Variants in TH observed in about 807,000 individuals in gnomAD.
The protein encoded by TH is tyrosine hydroxylase, also known as tyrosine 3-monooxygenase.
Under a neutral mutation model 57.4 loss-of-function variants are expected in TH, and 49 were observed. The observed-to-expected ratio is 0.85, with a 90% CI of 0.68 to 1.08. The LOEUF is 1.08. TH is among the 50% of genes least tolerant of loss of function. The probability of loss-of-function intolerance (pLI) is 0.00; values close to 1 mark genes in which losing one functional copy is unlikely to be tolerated. For synonymous variants in TH, 330 were observed against 304.5 expected, an observed-to-expected ratio of 1.08 and a Z score of -0.87; for missense variants, 720 against 696.7, an observed-to-expected ratio of 1.03 and a Z score of -0.38.
At position 2,171,751 on chromosome 11, in the gene TH, C is replaced by A. The variant is rs1310556489; in HGVS notation, c.36G>T (p.Lys12Asn). The change falls in exon 1 of 13, where the codon AAG (lysine) becomes AAT (asparagine). Residue 12 changes from lysine (K) to asparagine (N), a missense_variant. By Grantham distance (94) the Lys-to-Asn change is moderately conservative. Coordinates refer to ENST00000352909, the MANE Select transcript of TH (RefSeq NM_000360.4). The surrounding 1 kb of genome is among the most constrained non-coding windows in gnomAD (Gnocchi z 8.6). ...PTPDATTPQAKGFRRAVSELD... is the reference protein window; with the variant it reads ...PTPDATTPQANGFRRAVSELD... ...GCTCAGACACGGCCCTGCGGAAGCC[C>A]TTGGCCTGTGGCGTGGTGGCGTCGG... is the stretch of plus-strand genomic sequence containing the variant. 2.5e-6 allele frequency: 4 copies of A among 1,612,920 alleles called. No homozygotes were observed. The highest frequency in any genetic ancestry group is 3.4e-6 in the Non-Finnish European group (4 of 1,179,842).
chr11:2,166,114 G>T (rs188912799), intron 9 of TH, 56 bp from the exon 10 acceptor site: 6 of 1,536,444 alleles, frequency 3.9e-6, no homozygotes, highest in Non-Finnish European at 5.3e-6. Flanking sequence ...CATGCTCGAG[G>T]TGGGGGCACC....
intron 6 of TH, 160 bp from the exon 7 acceptor site, chr11:2,167,192 C>T: frequency 8.4e-7 from 1 of 1,189,622 alleles, no homozygotes; most frequent in East Asian, 2.6e-5. Context: ...TTGCTGGTGG[C>T]TTTAGGGAAT....
rs1846020523 is a variant in TH, at chr11:2,164,313, G to A, written c.1414C>T (p.Pro472Ser). Reference sequence around the variant, plus strand: ...TCCAGGGAGCGCCGCACGGCCTGGGGGCTGTCCAGCACGTCGATGGCCAGC... The same window carrying A: ...TCCAGGGAGCGCCGCACGGCCTGGGAGCTGTCCAGCACGTCGATGGCCAGC... The part of the protein sequence containing the change: ...YTLAIDVLDS[P>S]QAVRRSLEGV... The change falls in exon 13 of 13, where the codon CCC becomes TCC. Residue 472 changes from proline (P) to serine (S), a missense_variant. Coordinates refer to ENST00000352909, the MANE Select transcript of TH (RefSeq NM_000360.4). The A allele has an allele frequency of 6.5e-7, 1 of 1,536,986 alleles. No individual in the cohort carries two copies.
rs796758678 is a variant in TH, at chr11:2,165,696, C to T, written c.1172G>A (p.Gly391Glu). ...GAGCTCCCCGTAGGAGGACAGCAGC[C>T]CGGCACCATAGGCCTTCACCTCCCC... ...QNGEVKAYGA[G>E]LLSSYGELLH... Residue 391 changes from glycine to glutamate, a missense_variant, in exon 11 of 13, where the codon GGG (glycine) becomes GAG (glutamate). Physicochemically the swap from Gly to Glu is moderately conservative, Grantham distance 98. Transcript: ENST00000352909. The T allele has an allele frequency of 6.2e-7, 1 of 1,612,802 alleles. No individual in the cohort carries two copies. The highest frequency in any genetic ancestry group is 8.5e-7 in the Non-Finnish European group (1 of 1,179,974).
intron 12 of TH, among the ~76,000 whole-genome samples, 175 bp downstream of exon 12, chr11:2,165,057 T>C (rs536370680): frequency 1.8e-3 from 279 of 152,278 alleles, no homozygotes; most frequent in African/African-American, 6.5e-3. Flanking sequence ...CCCCAGACGC[T>C]GGGGTCCTTC....
In TH at chr11:2,169,728, C is replaced by T; in HGVS notation, c.234G>A (p.Gly78=). The T allele has an allele frequency of 6.2e-7, 1 of 1,613,016 alleles. No individual in the cohort carries two copies. Among genetic ancestry groups the T allele is most frequent in the East Asian group, 2.2e-5 (1 of 44,862 alleles). The change falls in exon 2 of 13, where the codon GGG becomes GGA. Residue 78 remains glycine, a synonymous_variant. Coordinates refer to ENST00000352909, the MANE Select transcript of TH (RefSeq NM_000360.4). The part of the protein sequence containing the change: ...LEAVAFEEKE[G]KAVLNLLFSP... ...AGAAGAGCAGGTTTAGCACGGCCTT[C>T]CCCTCCTTCTCCTCAAAGGCCACAG... is the stretch of plus-strand genomic sequence containing the variant.
chr11:2,165,483 C>G (rs1846063510), intron 11 of TH, 118 bp from the exon 12 acceptor site: 4 of 1,514,656 alleles, frequency 2.6e-6, no homozygotes, highest in Non-Finnish European at 3.6e-6. Context: ...ATCTCCCCCG[C>G]CGGGCCTTCG....
At position 2,170,899 on chromosome 11, in the gene TH, T is replaced by C; in HGVS notation, c.90+798A>G. On this transcript the variant is annotated intron_variant, in intron 1 of 12. Transcript: ENST00000352909. This position sits in a 1 kb window ranked among gnomAD's most constrained non-coding sequence, Gnocchi z 6.0. ...GACACTGCTACAACTCACACCACAT[T>C]TCAATCAAGGTCCATAAATAAAAAC... 1 of 608,840 alleles carries C rather than the reference T, an allele frequency of 1.6e-6. No individual in the cohort carries two copies. Among genetic ancestry groups the C allele is most frequent in the Admixed American group, 2.9e-5 (1 of 34,410 alleles). 37.7% of individuals were successfully genotyped at this position (608,840 alleles called of 1,614,324 possible).
In TH at chr11:2,170,976, C is replaced by G. The variant is rs568095003; in HGVS notation, c.90+721G>C. Among the ~76,000 whole-genome samples the G allele has an allele frequency of 3.9e-5, 6 of 152,000 alleles. No individual in the cohort carries two copies. Among genetic ancestry groups the G allele is most frequent in the Admixed American group, 6.5e-5 (1 of 15,274 alleles). ...AGGTTCTGAGTGCCCAAGGAGGCAC[C>G]GAAGACCCCTCCTGTGGGCTGAAAA... is the stretch of plus-strand genomic sequence containing the variant. On this transcript the variant is annotated intron_variant, in intron 1 of 12. Coordinates refer to ENST00000352909, the MANE Select transcript of TH (RefSeq NM_000360.4). This position sits in a 1 kb window ranked among gnomAD's most constrained non-coding sequence, Gnocchi z 6.0.
In TH at chr11:2,169,541, T is replaced by G. The variant is rs552572541; in HGVS notation, c.312+109A>C. The G allele has an allele frequency of 5.1e-4, 566 of 1,116,024 alleles. 2 individuals carry two copies. The Middle Eastern group carries it at 9.1e-3, about 18-fold the overall frequency. The allele number at this position is 1,116,024 out of a possible 1,614,324, so 69.1% of individuals were successfully genotyped here. A position where few individuals can be genotyped will look rare whatever the true frequency, so the allele number is the denominator to read the frequency against. On this transcript the variant is annotated intron_variant, in intron 2 of 12. Coordinates refer to ENST00000352909, the MANE Select transcript of TH (RefSeq NM_000360.4). ...TCCCCTGCTGCATCCTGTGCCGGCCTCGGGGGCCTGGGCAGCTGCACCTCT... is the reference window on the plus strand; with the variant it reads ...TCCCCTGCTGCATCCTGTGCCGGCCGCGGGGGCCTGGGCAGCTGCACCTCT...
At position 2,166,473 on chromosome 11, in the gene TH, G is replaced by T. The variant is rs771406751; in HGVS notation, c.1047+7C>A. The T allele has an allele frequency of 6.3e-7, 1 of 1,577,168 alleles. No homozygotes were observed. The highest frequency in any genetic ancestry group is 1.1e-5 in the South Asian group (1 of 87,164). ...TGACCCCGGCTCCCTCCGAGGCCGC[G>T]GCGTACCTGCGAGAACTGCGCGAAG... On this transcript the variant is annotated splice_region_variant and intron_variant, in intron 9 of 12. Transcript: ENST00000352909.
chr11:2,167,675 C>G (rs1020973794), intron 5 of TH, 190 bp from the exon 6 acceptor site: 58 of 1,076,036 alleles, frequency 5.4e-5, no homozygotes, highest in Admixed American at 1.2e-4. Context: ...GCAGGTTGCT[C>G]TAGCCCCCCT....
In TH at chr11:2,171,052, C is replaced by T. The variant is rs922058252; in HGVS notation, c.90+645G>A. On this transcript the variant is annotated intron_variant, in intron 1 of 12. Coordinates refer to ENST00000352909, the MANE Select transcript of TH (RefSeq NM_000360.4). The surrounding 1 kb of genome is among the most constrained non-coding windows in gnomAD (Gnocchi z 8.6). ...CACAGTCCCCTGTACACAGGGCTTCCGAGTGCAGGTCACAGGGAACACAGA... is the reference window on the plus strand; with the variant it reads ...CACAGTCCCCTGTACACAGGGCTTCTGAGTGCAGGTCACAGGGAACACAGA... Among the ~76,000 whole-genome samples the T allele has an allele frequency of 5.3e-5, 8 of 151,814 alleles. No individual in the cohort carries two copies. Among genetic ancestry groups the T allele is most frequent in the Admixed American group, 1.3e-4 (2 of 15,236 alleles).
chr11:2,165,072 G>A (rs770094395), intron 12 of TH, among the ~76,000 whole-genome samples, 160 bp downstream of exon 12: 11 of 152,184 alleles, frequency 7.2e-5, no homozygotes, highest in East Asian at 3.9e-4. Context: ...TCCTTCTCAC[G>A]GATGGTGTCC....
chr11:2,166,350 G>A (rs1215658889), intron 9 of TH, 130 bp downstream of exon 9: 1 of 1,254,504 alleles, frequency 8.0e-7, no homozygotes, highest in Non-Finnish European at 1.1e-6. Flanking sequence ...GACCCTCGGG[G>A]CGCCGAGCCT....
chr11:2,168,213 G>C (rs1319762318), intron 3 of TH, 34 bp from the exon 4 acceptor site: 1 of 1,604,478 alleles, frequency 6.2e-7, no homozygotes, highest in African/African-American at 1.3e-5. Flanking sequence ...ATCTTGGTGA[G>C]CTCGGAGCCG....
At chr11:2,164,494 C>A in intron 12 of TH, 102 bp from the exon 13 acceptor site, 1 of 1,370,202 alleles carries the variant, frequency 7.3e-7, no homozygotes, top group Non-Finnish European at 9.8e-7. Context: ...CACAGTGGCT[C>A]AGAGCTCCCA....
chr11:2,169,772 G>A lies in TH; in HGVS notation c.190C>T (p.Pro64Ser), dbSNP rs749976593. Reference sequence around the variant, plus strand: ...GCCACAGCCTCCAGGGGGTCCCCGGGCTCCGAGGGGACTGCAGCGGCCGCT... The same window carrying A: ...GCCACAGCCTCCAGGGGGTCCCCGGACTCCGAGGGGACTGCAGCGGCCGCT... ...AAAAAAVPSE[P>S]GDPLEAVAFE... The change falls in exon 2 of 13, where the codon CCC becomes TCC. Residue 64 changes from proline to serine, a missense_variant. Coordinates refer to ENST00000352909, the MANE Select transcript of TH (RefSeq NM_000360.4). 1 of 1,611,850 alleles carries A rather than the reference G, an allele frequency of 6.2e-7. No homozygotes were observed.
At chr11:2,168,909 G>A (rs905862807) in intron 2 of TH, among the ~76,000 whole-genome samples, 1 of 152,202 alleles carries the variant, frequency 6.6e-6, no homozygotes, top group Admixed American at 6.5e-5. Context: ...GTCACCGCTT[G>A]AGGCTTAACC....
Sources: gnomAD v4.1 joint callset for allele counts (sites outside exome capture counted in the v4.1 genomes callset) on GRCh38, gnomAD v4.1.1 for gene constraint, Gnocchi (gnomAD v3.1) non-coding constraint, MANE v1.5 for transcripts, NCBI Gene and HGNC (gene_info 2026-07-23, HGNC 2026-07-21) for gene names.